The following DDAH1 variants were observed in gnomAD, a reference collection of about 807,000 sequenced individuals.
DDAH1 encodes the protein N(G),N(G)-dimethylarginine dimethylaminohydrolase 1.
DDAH1 carries 19 observed loss-of-function variants against 28.8 expected under a neutral mutation model. The observed-to-expected ratio is 0.66, with a 90% confidence interval of 0.46 to 0.97. The LOEUF is 0.97. Among genes scored for constraint, DDAH1 ranks in the 50% least tolerant of loss-of-function variants. DDAH1 has a pLI of 0.00. For missense variants in DDAH1, 326 were observed against 375.9 expected (o/e 0.87, Z 1.10); for synonymous variants, 153 against 154.4 (o/e 0.99, Z 0.07).
intron 1 of DDAH1, among the ~76,000 whole-genome samples, chr1:85,547,919 T>G (rs969095638): frequency 6.6e-6 from 1 of 152,154 alleles, no homozygotes; most frequent in Admixed American, 6.5e-5. Flanking sequence ...TCTCCTGAAG[T>G]GAATGTTTTA....
chr1:85,341,605 G>A (rs1192813891), intron 4 of DDAH1, among the ~76,000 whole-genome samples: 1 of 152,162 alleles, frequency 6.6e-6, no homozygotes, highest in African/African-American at 2.4e-5. Flanking sequence ...ACGAGGTCAG[G>A]AGATTGAGAC....
intron 1 of DDAH1, among the ~76,000 whole-genome samples, chr1:85,362,372 A>T (rs534013821): frequency 6.6e-6 from 1 of 152,204 alleles, no homozygotes; most frequent in Non-Finnish European, 1.5e-5. Context: ...TGGAATGATC[A>T]TGGTCACTGA....
At chr1:85,373,508 A>G (rs1650497415) in intron 1 of DDAH1, among the ~76,000 whole-genome samples, 1 of 151,946 alleles carries the variant, frequency 6.6e-6, no homozygotes, top group African/African-American at 2.4e-5. Context: ...ACGAGATCTG[A>G]TGGTTTTATA....
At chr1:85,542,781 C>T (rs547694845) in intron 1 of DDAH1, among the ~76,000 whole-genome samples, 62 of 152,258 alleles carry the variant, frequency 4.1e-4, no homozygotes, top group African/African-American at 1.4e-3. Flanking sequence ...TTGTTATTGG[C>T]CCATAATGTC....
chr1:85,505,391 T>C (rs978529319), intron 1 of DDAH1, among the ~76,000 whole-genome samples: 1 of 152,208 alleles, frequency 6.6e-6, no homozygotes, highest in African/African-American at 2.4e-5. Context: ...AGGCAGGTGA[T>C]AGCAGACACT....
intron 1 of DDAH1, among the ~76,000 whole-genome samples, chr1:85,381,699 T>G (rs1310322378): frequency 6.6e-6 from 1 of 151,004 alleles, no homozygotes; most frequent in Non-Finnish European, 1.5e-5. Flanking sequence ...CACTTTGCTT[T>G]ATTGTGATTT....
intron 1 of DDAH1, among the ~76,000 whole-genome samples, chr1:85,538,895 C>A (rs1274721071): frequency 6.6e-6 from 1 of 152,064 alleles, no homozygotes; most frequent in Non-Finnish European, 1.5e-5. Context: ...TTTGGAGAAA[C>A]GTTCCAAACG....
intron 1 of DDAH1, among the ~76,000 whole-genome samples, chr1:85,427,253 GT>G (rs762374334): frequency 8.5e-6 from 1 of 118,332 alleles, no homozygotes; most frequent in African/African-American, 3.4e-5. Context: ...TTTTGTTTTT[GT>G]TTTTTTCCAA....
At chr1:85,428,138 C>T (rs1351065190) in intron 1 of DDAH1, among the ~76,000 whole-genome samples, 1 of 152,134 alleles carries the variant, frequency 6.6e-6, no homozygotes, top group African/African-American at 2.4e-5. Context: ...TATCCATCTG[C>T]CTTTTCAGAC....
intron 1 of DDAH1, among the ~76,000 whole-genome samples, chr1:85,514,800 G>A (rs566368262): frequency 3.3e-5 from 5 of 152,102 alleles, no homozygotes; most frequent in South Asian, 2.1e-4. Context: ...TCCATAAATC[G>A]CTGAGCACTT....
chr1:85,451,960 A>G (rs1570562361), intron 1 of DDAH1, among the ~76,000 whole-genome samples: 1 of 152,216 alleles, frequency 6.6e-6, no homozygotes, highest in Non-Finnish European at 1.5e-5. Context: ...GTATCACTTC[A>G]AAGTGTACAG....
intron 1 of DDAH1, among the ~76,000 whole-genome samples, chr1:85,385,679 C>T (rs1175571499): frequency 6.6e-6 from 1 of 152,148 alleles, no homozygotes; most frequent in African/African-American, 2.4e-5. Context: ...TAGGATCTAC[C>T]ACTTACTTAC....
chr1:85,504,811 A>G (rs991689297), intron 1 of DDAH1, among the ~76,000 whole-genome samples: 13 of 152,118 alleles, frequency 8.5e-5, no homozygotes, highest in Non-Finnish European at 1.8e-4. Flanking sequence ...AATGTTTCCC[A>G]GGGTTGCCTG....
chr1:85,414,957 T>A (rs1009444248), intron 1 of DDAH1, among the ~76,000 whole-genome samples: 61 of 151,592 alleles, frequency 4.0e-4, no homozygotes, highest in Non-Finnish European at 7.8e-4. Context: ...AAATCAAAAT[T>A]TGGAAGGCCC....
At position 85,321,039 on chromosome 1, in the gene DDAH1, T is replaced by G. The variant is rs975654952; in HGVS notation, c.*413A>C. ...GGAGGAGGATCCCTGGACCAGGGAC[T>G]TTCACAGGAACCAAACATGATTCAT... On this transcript the variant is annotated 3_prime_UTR_variant, in exon 6 of 6. Coordinates refer to ENST00000284031, the MANE Select transcript of DDAH1 (RefSeq NM_012137.4). The G allele has an allele frequency of 6.6e-6, 1 of 151,568 alleles. No homozygotes were observed. Among genetic ancestry groups the G allele is most frequent in the Non-Finnish European group, 1.5e-5 (1 of 68,946 alleles). 9.4% of individuals were successfully genotyped at this position (151,568 alleles called of 1,614,324 possible).
intron 2 of DDAH1, among the ~76,000 whole-genome samples, chr1:85,470,928 C>T (rs1655595925): frequency 6.6e-6 from 1 of 152,188 alleles, no homozygotes; most frequent in Admixed American, 6.5e-5. Context: ...TAGATTCAGA[C>T]AAGCCTGAAT....
At chr1:85,456,195 C>T (rs1277289845) in intron 1 of DDAH1, among the ~76,000 whole-genome samples, 2 of 152,224 alleles carry the variant, frequency 1.3e-5, no homozygotes, top group Admixed American at 6.5e-5. Context: ...CACCTGGCTG[C>T]CTCCTGTAGC....
At chr1:85,336,389 T>C (rs1214936050) in intron 4 of DDAH1, among the ~76,000 whole-genome samples, 3 of 151,930 alleles carry the variant, frequency 2.0e-5, no homozygotes, top group African/African-American at 4.8e-5. Flanking sequence ...AAGAGAAATG[T>C]TGAAAACTAC....
chr1:85,376,053 A>G (rs1027798232), intron 1 of DDAH1, among the ~76,000 whole-genome samples: 2 of 152,214 alleles, frequency 1.3e-5, no homozygotes, highest in Non-Finnish European at 2.9e-5. Flanking sequence ...CCTCAACACC[A>G]GGGAAGTTTT....
Sources: gnomAD v4.1 joint callset for allele counts (sites outside exome capture counted in the v4.1 genomes callset) on GRCh38, gnomAD v4.1.1 for gene constraint, MANE v1.5 for transcripts, NCBI Gene and HGNC (gene_info 2026-07-23, HGNC 2026-07-21) for gene names.